SEMA3E: variants seen among roughly 807,000 people sequenced by gnomAD.
SEMA3E encodes the protein semaphorin 3E, also known as semaphorin-3E.
In SEMA3E, 49 loss-of-function variants were observed where a neutral mutation model predicts 93.6. That is an observed-to-expected ratio of 0.52 (90% CI 0.42 to 0.66). SEMA3E has a LOEUF of 0.66. SEMA3E is among the 30% of genes least tolerant of loss of function. The pLI is 0.00. For synonymous variants in SEMA3E, 363 were observed against 330.7 expected, an observed-to-expected ratio of 1.10 and a Z score of -1.06; for missense variants, 906 against 964.8, an observed-to-expected ratio of 0.94 and a Z score of 0.81.
chr7:83,455,986 C>T (rs1272756593), intron 4 of SEMA3E, among the ~76,000 whole-genome samples: 1 of 152,202 alleles, frequency 6.6e-6, no homozygotes, highest in Non-Finnish European at 1.5e-5. Flanking sequence ...CTAAACAGTG[C>T]CTGGACTCTC....
intron 2 of SEMA3E, among the ~76,000 whole-genome samples, chr7:83,483,598 T>C (rs892560600): frequency 7.9e-5 from 12 of 152,172 alleles, no homozygotes; most frequent in Admixed American, 5.2e-4. Flanking sequence ...TTGTGGTTGA[T>C]TTTTATAGAC....
chr7:83,414,915 T>G (rs2255567), intron 5 of SEMA3E, among the ~76,000 whole-genome samples: 1 of 151,794 alleles, frequency 6.6e-6, no homozygotes, highest in Non-Finnish European at 1.5e-5. Flanking sequence ...TAAAAATGGC[T>G]ATAGAATTAA....
chr7:83,648,331 G>T, intron 1 of SEMA3E, 97 bp downstream of exon 1: 1 of 838,612 alleles, frequency 1.2e-6, no homozygotes, highest in Non-Finnish European at 1.9e-6. Flanking sequence ...GGTCTTTGAA[G>T]ACCATAAGCC....
At position 83,498,485 on chromosome 7, in the gene SEMA3E, CT is replaced by C. The variant is rs879793625; in HGVS notation, c.116-8212del. 6.7e-3 allele frequency among the ~76,000 whole-genome samples: 903 copies of C among 135,530 alleles called. 13 individuals carry two copies. The highest frequency in any genetic ancestry group is 0.02 in the African/African-American group (789 of 38,596). The allele number at this position is 135,530 out of a possible 152,430, so 88.9% of individuals were successfully genotyped here. ...TACTTAATAAAATCAGGCACATTCA[CT>C]TTTTTTTTTTTGAAACAGAGTCACT... On this transcript the variant is annotated intron_variant, in intron 1 of 16. Transcript: ENST00000643230.
rs1431302027 is a variant in SEMA3E, at chr7:83,363,443, G to A, written c.*4143C>T. ...GAAAGAATATGGCACACACTGTTAT[G>A]AACCCAGCCAAGCAAATAAAAGGAT... is the stretch of plus-strand genomic sequence containing the variant. On this transcript the variant is annotated 3_prime_UTR_variant, in exon 17 of 17. Transcript: ENST00000643230. 6.6e-6 allele frequency: 1 copy of A among 152,182 alleles called. No individual in the cohort carries two copies. Among genetic ancestry groups the A allele is most frequent in the East Asian group, 1.9e-4 (1 of 5,158 alleles). 9.4% of individuals were successfully genotyped at this position (152,182 alleles called of 1,614,324 possible). A position where few individuals can be genotyped will look rare whatever the true frequency, so the allele number is the denominator to read the frequency against.
intron 1 of SEMA3E, among the ~76,000 whole-genome samples, chr7:83,593,023 G>C (rs1188309202): frequency 6.6e-6 from 1 of 151,952 alleles, no homozygotes; most frequent in Non-Finnish European, 1.5e-5. Context: ...CACAATTACA[G>C]CTCACTGCAG....
At chr7:83,447,666 T>G (rs1349246580) in intron 4 of SEMA3E, among the ~76,000 whole-genome samples, 1 of 152,196 alleles carries the variant, frequency 6.6e-6, no homozygotes, top group Non-Finnish European at 1.5e-5. Flanking sequence ...AGAAAAGATA[T>G]TTAGCAAGAG....
chr7:83,579,015 T>A (rs950253715), intron 1 of SEMA3E, among the ~76,000 whole-genome samples: 3 of 152,106 alleles, frequency 2.0e-5, no homozygotes, highest in Admixed American at 6.6e-5. Flanking sequence ...TTATAGTATT[T>A]AATATAAGAA....
At chr7:83,605,667 T>G (rs1218915267) in intron 1 of SEMA3E, among the ~76,000 whole-genome samples, 1 of 152,082 alleles carries the variant, frequency 6.6e-6, no homozygotes, top group Admixed American at 6.6e-5. Context: ...TGACCTCAGG[T>G]GGTCCACCCT....
At chr7:83,616,183 AAG>A (rs904955692) in intron 1 of SEMA3E, among the ~76,000 whole-genome samples, 51 of 152,232 alleles carry the variant, frequency 3.4e-4, no homozygotes, top group African/African-American at 1.1e-3. Context: ...CCTTTTGGCA[AAG>A]AGAGTATATG....
intron 4 of SEMA3E, among the ~76,000 whole-genome samples, chr7:83,430,557 C>T (rs1788860453): frequency 6.6e-6 from 1 of 152,120 alleles, no homozygotes; most frequent in Admixed American, 6.6e-5. Flanking sequence ...AAACCATTGC[C>T]CTTAGCAACC....
intron 1 of SEMA3E, among the ~76,000 whole-genome samples, chr7:83,623,154 G>A (rs1793600756): frequency 1.3e-5 from 2 of 151,902 alleles, no homozygotes; most frequent in South Asian, 4.1e-4. Context: ...TTTATTTTAG[G>A]AATTCATACA....
At chr7:83,605,743 C>A (rs539405035) in intron 1 of SEMA3E, among the ~76,000 whole-genome samples, 80 of 152,206 alleles carry the variant, frequency 5.3e-4, no homozygotes, top group African/African-American at 1.9e-3. Context: ...TAAATGTCTT[C>A]TTTTGAGAAG....
At chr7:83,562,996 C>T (rs1405320526) in intron 1 of SEMA3E, among the ~76,000 whole-genome samples, 1 of 152,158 alleles carries the variant, frequency 6.6e-6, no homozygotes, top group Non-Finnish European at 1.5e-5. Flanking sequence ...CTTGTTTACT[C>T]ATAATTTTCA....
At chr7:83,497,963 A>T (rs1429521160) in intron 1 of SEMA3E, among the ~76,000 whole-genome samples, 4 of 152,192 alleles carry the variant, frequency 2.6e-5, no homozygotes, top group African/African-American at 7.2e-5. Context: ...TATCATATGT[A>T]AATTATTATT....
chr7:83,373,859 C>T (rs1352161050), intron 16 of SEMA3E, among the ~76,000 whole-genome samples: 1 of 151,776 alleles, frequency 6.6e-6, no homozygotes, highest in Non-Finnish European at 1.5e-5. Flanking sequence ...AAGGAGAAAC[C>T]CAAATGTTTA....
intron 4 of SEMA3E, among the ~76,000 whole-genome samples, chr7:83,456,035 C>A (rs1277511388): frequency 6.6e-6 from 1 of 152,182 alleles, no homozygotes; most frequent in Non-Finnish European, 1.5e-5. Flanking sequence ...GTGTGTGAAG[C>A]TGTGTTTTAA....
At position 83,367,162 on chromosome 7, in the gene SEMA3E, G is replaced by T. The variant is rs1794681285; in HGVS notation, c.*424C>A. The T allele has an allele frequency of 4.7e-6, 1 of 212,922 alleles. No individual in the cohort carries two copies. Among genetic ancestry groups the T allele is most frequent in the Non-Finnish European group, 9.5e-6 (1 of 105,666 alleles). 13.2% of individuals were successfully genotyped at this position (212,922 alleles called of 1,614,324 possible). A position where few individuals can be genotyped will look rare whatever the true frequency, so the allele number is the denominator to read the frequency against. ...AGAATGCCAAAGTATCTTGTATTCT[G>T]CATATCTTACATTGTGATGGAAAAG... On this transcript the variant is annotated 3_prime_UTR_variant, in exon 17 of 17. Transcript: ENST00000643230.
intron 1 of SEMA3E, among the ~76,000 whole-genome samples, chr7:83,608,570 T>C (rs756658919): frequency 6.6e-6 from 1 of 152,142 alleles, no homozygotes; most frequent in Non-Finnish European, 1.5e-5. Flanking sequence ...AGCTTTCAGT[T>C]CATCATAAAC....
Sources: allele counts gnomAD v4.1 joint callset (sites outside exome capture counted in the v4.1 genomes callset), GRCh38; gene constraint gnomAD v4.1.1; transcripts MANE v1.5; gene names NCBI Gene and HGNC (gene_info 2026-07-23, HGNC 2026-07-21).